The following NALF1 variants were observed in gnomAD, a reference collection of about 807,000 sequenced individuals.
NALF1 encodes NALCN channel auxiliary factor 1, also known as family with sequence similarity 155 member A.
A neutral mutation model predicts 48.4 loss-of-function variants in NALF1; 3 were observed. The ratio of observed to expected loss-of-function variants is 0.06; its 90% CI spans 0.03 to 0.16. NALF1 has a LOEUF of 0.16. NALF1 is among the 10% of genes least tolerant of loss of function. The pLI, the probability that NALF1 is intolerant of heterozygous loss-of-function variation, is 1.00. For synonymous variants in NALF1, 262 were observed against 245.7 expected (o/e 1.07, Z -0.62); for missense variants, 526 against 571.5 (o/e 0.92, Z 0.81).
intron 1 of NALF1, among the ~76,000 whole-genome samples, chr13:107,832,964 TG>T (rs1209263888): frequency 6.6e-6 from 1 of 152,208 alleles, no homozygotes; most frequent in Non-Finnish European, 1.5e-5. Context: ...TGCTGGCATC[TG>T]TAGCCTCCCC....
At chr13:107,342,544 C>T (rs189862180) in intron 1 of NALF1, among the ~76,000 whole-genome samples, 5 of 152,182 alleles carry the variant, frequency 3.3e-5, no homozygotes, top group East Asian at 1.9e-4. Context: ...ATGAGTACAA[C>T]GATGAACAGC....
intron 1 of NALF1, among the ~76,000 whole-genome samples, chr13:107,540,471 T>C (rs570072305): frequency 2.0e-5 from 3 of 152,236 alleles, no homozygotes; most frequent in Admixed American, 6.6e-5. Context: ...TAAAGTTGCA[T>C]TCTTGATTTC....
chr13:107,441,881 C>T (rs1264435434), intron 1 of NALF1, among the ~76,000 whole-genome samples: 1 of 152,000 alleles, frequency 6.6e-6, no homozygotes, highest in Non-Finnish European at 1.5e-5. Context: ...AGTGAATGTG[C>T]AATAGGAAAT....
intron 1 of NALF1, among the ~76,000 whole-genome samples, chr13:107,569,197 T>C (rs1201397583): frequency 2.6e-5 from 4 of 152,148 alleles, no homozygotes; most frequent in African/African-American, 2.4e-5. Context: ...CAGCCAGGCG[T>C]GGTGGCTCAC....
chr13:107,405,125 T>C (rs936941999), intron 1 of NALF1, among the ~76,000 whole-genome samples: 1 of 152,052 alleles, frequency 6.6e-6, no homozygotes, highest in Non-Finnish European at 1.5e-5. Context: ...CTAATAAGTA[T>C]AAAATCAGGT....
chr13:107,325,424 T>A (rs1882333144), intron 1 of NALF1, among the ~76,000 whole-genome samples: 1 of 152,144 alleles, frequency 6.6e-6, no homozygotes, highest in East Asian at 1.9e-4. Flanking sequence ...AGACAAATAA[T>A]TCATGGAATA....
chr13:107,371,458 A>AAAATAAAT lies in NALF1; in HGVS notation c.916-160711_916-160704dup, dbSNP rs10641731. On this transcript the variant is annotated intron_variant, in intron 1 of 2. Coordinates refer to ENST00000375915, the MANE Select transcript of NALF1 (RefSeq NM_001080396.3). Reference sequence around the variant, plus strand: ...GAGACCCTGTCTAAAAAATAAAAATAAAATAAATAAATAAATAAATAGTTT... The same window carrying AAAATAAAT: ...GAGACCCTGTCTAAAAAATAAAAATAAAATAAATAAATAAATAAATAAATAAATAGTTT... 5.3e-5 allele frequency among the ~76,000 whole-genome samples: 8 copies of AAAATAAAT among 150,456 alleles called. No homozygotes were observed. In the East Asian group the frequency reaches 5.9e-4, roughly 11 times the overall value.
chr13:107,865,375 A>G (rs1408529631), intron 1 of NALF1, among the ~76,000 whole-genome samples: 1 of 152,086 alleles, frequency 6.6e-6, no homozygotes. Flanking sequence ...CCTTTTCTTA[A>G]AAGATGTAAC....
At chr13:107,631,735 C>T (rs561717577) in intron 1 of NALF1, among the ~76,000 whole-genome samples, 1 of 152,184 alleles carries the variant, frequency 6.6e-6, no homozygotes, top group South Asian at 2.1e-4. Flanking sequence ...TGATAAGCCT[C>T]TACATATGCT....
intron 1 of NALF1, among the ~76,000 whole-genome samples, chr13:107,294,177 G>C (rs954033029): frequency 1.4e-4 from 21 of 152,130 alleles, no homozygotes; most frequent in Admixed American, 1.3e-4. Flanking sequence ...AGGAACATAG[G>C]GAAAGGAGGG....
At chr13:107,633,495 C>T (rs1486752344) in intron 1 of NALF1, among the ~76,000 whole-genome samples, 1 of 151,810 alleles carries the variant, frequency 6.6e-6, no homozygotes, top group African/African-American at 2.4e-5. Flanking sequence ...GTTTTTGATG[C>T]TAAAATATTA....
chr13:107,810,618 A>G (rs922084129), intron 1 of NALF1, among the ~76,000 whole-genome samples: 4 of 152,140 alleles, frequency 2.6e-5, no homozygotes, highest in African/African-American at 7.2e-5. Flanking sequence ...TTTTCAAAAA[A>G]TCTTCTTCCG....
At chr13:107,441,477 T>A (rs1404830991) in intron 1 of NALF1, among the ~76,000 whole-genome samples, 3 of 152,024 alleles carry the variant, frequency 2.0e-5, no homozygotes. Context: ...GAAGTGTGAA[T>A]AATGGGACTT....
intron 2 of NALF1, among the ~76,000 whole-genome samples, chr13:107,175,233 A>C (rs1878901894): frequency 6.7e-6 from 1 of 148,734 alleles, no homozygotes; most frequent in Admixed American, 6.7e-5. Context: ...TCCCTCCAGG[A>C]AGAAATATGC....
At chr13:107,679,817 G>C (rs1172329370) in intron 1 of NALF1, among the ~76,000 whole-genome samples, 1 of 152,180 alleles carries the variant, frequency 6.6e-6, no homozygotes, top group South Asian at 2.1e-4. Context: ...TCCATTCCCA[G>C]GTGTCTCCAT....
rs377021546 is a variant in NALF1, at chr13:107,561,020, T to A, written c.915+304662A>T. Among the ~76,000 whole-genome samples, 9 of 152,250 alleles carry A rather than the reference T, an allele frequency of 5.9e-5. No individual in the cohort carries two copies. The East Asian group carries it at 1.2e-3, about 20-fold the overall frequency. On this transcript the variant is annotated intron_variant, in intron 1 of 2. Transcript: ENST00000375915. ...TCATTATTTTGTGTCATTATACACG[T>A]GTTCTAAGTGTTAAATGTTGAATGC...
At chr13:107,588,189 T>G (rs1388587184) in intron 1 of NALF1, among the ~76,000 whole-genome samples, 3 of 152,116 alleles carry the variant, frequency 2.0e-5, no homozygotes, top group African/African-American at 7.2e-5. Context: ...GAGGCCCCTG[T>G]TGCCATACAC....
chr13:107,630,490 G>A (rs777509337), intron 1 of NALF1, among the ~76,000 whole-genome samples: 16 of 151,954 alleles, frequency 1.1e-4, no homozygotes, highest in Non-Finnish European at 2.4e-4. Context: ...AGTCATCTTT[G>A]TACAAATATA....
intron 1 of NALF1, among the ~76,000 whole-genome samples, chr13:107,443,945 C>T (rs1173470900): frequency 6.6e-6 from 1 of 152,140 alleles, no homozygotes; most frequent in African/African-American, 2.4e-5. Flanking sequence ...ATTTCATTTT[C>T]AGTGTTCATA....
Sources: allele counts gnomAD v4.1 joint callset (sites outside exome capture counted in the v4.1 genomes callset), GRCh38; gene constraint gnomAD v4.1.1; transcripts MANE v1.5; gene names NCBI Gene and HGNC (gene_info 2026-07-23, HGNC 2026-07-21).